The following DNAH2 variants were observed in gnomAD, a reference collection of about 807,000 sequenced individuals.
DNAH2 encodes dynein axonemal heavy chain 2.
A neutral mutation model predicts 523.5 loss-of-function variants in DNAH2; 323 were observed. The ratio of observed to expected loss-of-function variants is 0.62; its 90% CI spans 0.56 to 0.68. The LOEUF (loss-of-function observed/expected upper bound fraction) is 0.68, where lower values mean the gene tolerates loss of function less well. DNAH2 is among the 30% of genes least tolerant of loss of function. DNAH2 has a pLI of 0.00. For missense variants in DNAH2, 4,907 were observed against 5,701.5 expected (o/e 0.86, Z 4.49); for synonymous variants, 2,093 against 2,177.4 (o/e 0.96, Z 1.08).
At chr17:7,830,957 T>C in intron 79 of DNAH2, 115 bp downstream of exon 79, 1 of 1,523,038 alleles carries the variant, frequency 6.6e-7, no homozygotes, top group Middle Eastern at 1.8e-4. Context: ...GAAGACAGAG[T>C]TTGTGGGATT....
rs1469396344 is a variant in DNAH2, at chr17:7,754,901, C to T, written c.1905-2190C>T. 1.7e-6 allele frequency: 1 copy of T among 577,128 alleles called. No individual in the cohort carries two copies. The highest frequency in any genetic ancestry group is 2.7e-5 in the East Asian group (1 of 36,800). The allele number at this position is 577,128 out of a possible 1,614,324, so 35.8% of individuals were successfully genotyped here. ...GGACAGAAGGACAGGTGCCACCCAC[C>T]CCGGGCTGCCGTCTGCATGGGGCTG... On this transcript the variant is annotated intron_variant, in intron 12 of 85. Transcript: ENST00000572933. The surrounding 1 kb of genome is among the most constrained non-coding windows in gnomAD (Gnocchi z 4.6).
In DNAH2 at chr17:7,817,997, C is replaced by A. The variant is rs61749477; in HGVS notation, c.10288C>A (p.His3430Asn). ...GAGCGATTACCTGCGAATCCTAGAACACGCCATTCACTTTGGATACCCGGT... is the reference window on the plus strand; with the variant it reads ...GAGCGATTACCTGCGAATCCTAGAAAACGCCATTCACTTTGGATACCCGGT... ...QMSDYLRILE[H>N]AIHFGYPVLL... Residue 3430 changes from histidine to asparagine, a missense_variant, in exon 68 of 86, where the codon CAC becomes AAC. Physicochemically the swap from His to Asn is moderately conservative, Grantham distance 68 (BLOSUM62 1). Coordinates refer to ENST00000572933, the MANE Select transcript of DNAH2 (RefSeq NM_020877.5). 2,213 of 1,614,118 alleles carry A rather than the reference C, an allele frequency of 1.4e-3. 28 individuals are homozygous for A. In the African/African-American group the frequency reaches 0.022, roughly 16 times the overall value.
chr17:7,802,024 AG>A lies in DNAH2; in HGVS notation c.8972+13del, dbSNP rs1244527729. 6.2e-7 allele frequency: 1 copy of A among 1,613,908 alleles called. No homozygotes were observed. The highest frequency in any genetic ancestry group is 8.5e-7 in the Non-Finnish European group (1 of 1,179,908). On this transcript the variant is annotated splice_region_variant and intron_variant, in intron 58 of 85. Transcript: ENST00000572933. ...TCCTGTCTGGATATAAGAAGTATGA[AG>A]GGGGGCAGGGGATGTGCAGGGCCAG...
intron 11 of DNAH2, among the ~76,000 whole-genome samples, chr17:7,742,648 C>T (rs1337213945): frequency 1.3e-5 from 2 of 152,230 alleles, no homozygotes; most frequent in Admixed American, 6.5e-5. Context: ...CCTTCTGTGA[C>T]TGACCTTTTT....
intron 12 of DNAH2, among the ~76,000 whole-genome samples, chr17:7,749,401 T>C (rs1050787785): frequency 6.8e-6 from 1 of 145,998 alleles, no homozygotes; most frequent in Admixed American, 6.9e-5. Context: ...TTTGTTTTGG[T>C]GCAATGTTGG....
At position 7,792,076 on chromosome 17, in the gene DNAH2, C is replaced by T. The variant is rs776112820; in HGVS notation, c.7053+7C>T. Reference sequence around the variant, plus strand: ...GGGCTCCTTTCCCAATAAGGTTGGGCGCACACCTGGCTGTCCTATTTGCCC... The same window carrying T: ...GGGCTCCTTTCCCAATAAGGTTGGGTGCACACCTGGCTGTCCTATTTGCCC... On this transcript the variant is annotated splice_region_variant and intron_variant, in intron 45 of 85. Transcript: ENST00000572933. 63 of 1,612,608 alleles carry T rather than the reference C, an allele frequency of 3.9e-5. 1 individual carries two copies. The highest frequency in any genetic ancestry group is 4.7e-5 in the Non-Finnish European group (55 of 1,179,640).
At chr17:7,776,974 A>C (rs1014849843) in intron 32 of DNAH2, 85 bp downstream of exon 32, 2 of 1,140,760 alleles carry the variant, frequency 1.8e-6, no homozygotes, top group Non-Finnish European at 2.6e-6. Context: ...GCTTGAGCCC[A>C]GGAGTTCGAG....
chr17:7,733,380 T>A (rs1034965983), intron 5 of DNAH2, 65 bp downstream of exon 5: 73 of 1,526,326 alleles, frequency 4.8e-5, no homozygotes, highest in Non-Finnish European at 6.5e-5. Flanking sequence ...ACTAGTGAAG[T>A]GGTGGGTCCT....
chr17:7,761,445 T>C (rs1291228687), intron 18 of DNAH2, among the ~76,000 whole-genome samples: 1 of 152,108 alleles, frequency 6.6e-6, no homozygotes, highest in African/African-American at 2.4e-5. Context: ...TTTTCTTTTT[T>C]TTAAAATTTT....
At chr17:7,755,216 A>G (rs1235013864) in intron 12 of DNAH2, among the ~76,000 whole-genome samples, 1 of 152,150 alleles carries the variant, frequency 6.6e-6, no homozygotes, top group Non-Finnish European at 1.5e-5. Flanking sequence ...AAGGATTTGC[A>G]GGTAGTGACT....
At chr17:7,809,381 G>T (rs763085458) in intron 63 of DNAH2, among the ~76,000 whole-genome samples, 1 of 151,938 alleles carries the variant, frequency 6.6e-6, no homozygotes, top group Non-Finnish European at 1.5e-5. Flanking sequence ...AAGCTAAGCT[G>T]CCCACGAGGC....
Position 7,794,248 on chromosome 17 carries a change from C to G in DNAH2, c.7570-6C>G. Reference sequence around the variant, plus strand: ...CCTGTCTGCCCTCCTTGTCGCTGCTCTCTAGGAAATGTTCCTGATGGCTGC... The same window carrying G: ...CCTGTCTGCCCTCCTTGTCGCTGCTGTCTAGGAAATGTTCCTGATGGCTGC... On this transcript the variant is annotated splice_region_variant and splice_polypyrimidine_tract_variant and intron_variant, in intron 48 of 85. Coordinates refer to ENST00000572933, the MANE Select transcript of DNAH2 (RefSeq NM_020877.5). 1 of 1,602,150 alleles carries G rather than the reference C, an allele frequency of 6.2e-7. No individual in the cohort carries two copies. Among genetic ancestry groups the G allele is most frequent in the African/African-American group, 1.3e-5 (1 of 74,470 alleles).
rs1161548818 is a variant in DNAH2 at position 7,833,433 on chromosome 17, G to C, written c.13184G>C (p.Arg4395Pro). The change falls in exon 86 of 86, where the codon CGA becomes CCA. Residue 4395 changes from arginine (R) to proline (P), a missense_variant. Physicochemically the swap from Arg to Pro is moderately radical, Grantham distance 103. Around this residue, in one of 3 missense-constraint regions of DNAH2, gnomAD observed 1,851 missense variants for 2,139.4 expected, o/e 0.87. Coordinates refer to ENST00000572933, the MANE Select transcript of DNAH2 (RefSeq NM_020877.5). Reference sequence around the variant, plus strand: ...CCCAACCGGGCAGGCAGCTCAGACCGAGCCTCCTTTGTCATCGGCATTGAC... The same window carrying C: ...CCCAACCGGGCAGGCAGCTCAGACCCAGCCTCCTTTGTCATCGGCATTGAC... ...YYPNRAGSSDRASFVIGIDLR... is the reference protein window; with the variant it reads ...YYPNRAGSSDPASFVIGIDLR... 1 of 1,614,090 alleles carries C rather than the reference G, an allele frequency of 6.2e-7. No individual in the cohort carries two copies. The highest frequency in any genetic ancestry group is 1.7e-5 in the Admixed American group (1 of 60,022).
Position 7,798,560 on chromosome 17 carries a change from ATCAAGCG to A in DNAH2, c.8404_8410del (p.Lys2802CysfsTer21). 1.2e-6 allele frequency: 2 copies of A among 1,613,990 alleles called. No individual in the cohort carries two copies. Among genetic ancestry groups the A allele is most frequent in the Non-Finnish European group, 1.7e-6 (2 of 1,179,992 alleles). On this transcript the variant is annotated frameshift_variant, in exon 55 of 86. Coordinates refer to ENST00000572933, the MANE Select transcript of DNAH2 (RefSeq NM_020877.5). LOFTEE classifies it high-confidence loss of function. The surrounding 1 kb of genome is among the most constrained non-coding windows in gnomAD (Gnocchi z 5.5). ...TCCTCCTTCCCTCCCCCGGCCAGAT[ATCAAGCG>A]TCTGTATCGCCAGGCTGGGGTGGAG...
At chr17:7,776,528 G>A (rs1310766997) in intron 31 of DNAH2, among the ~76,000 whole-genome samples, 6 of 152,158 alleles carry the variant, frequency 3.9e-5, no homozygotes, top group Admixed American at 3.3e-4. Context: ...GTTAAAAGGA[G>A]GTGGCCAGTG....
intron 36 of DNAH2, 68 bp downstream of exon 36, chr17:7,779,491 G>T: frequency 1.3e-6 from 2 of 1,490,474 alleles, no homozygotes; most frequent in South Asian, 2.4e-5. Flanking sequence ...AAATAACTGC[G>T]CATCCTCCTC....
intron 18 of DNAH2, among the ~76,000 whole-genome samples, chr17:7,761,981 G>A (rs190342738): frequency 2.6e-5 from 4 of 152,174 alleles, no homozygotes; most frequent in East Asian, 1.9e-4. Context: ...TAAAAGTATC[G>A]CTGAAAGAGT....
chr17:7,776,080 G>C lies in DNAH2; in HGVS notation c.4878G>C (p.Arg1626=). Reference sequence around the variant, plus strand: ...GGGTGACCCTGCGGGACCTTCTCCGGAACTGCCACCTGGCCCTCAGGAAGT... The same window carrying C: ...GGGTGACCCTGCGGGACCTTCTCCGCAACTGCCACCTGGCCCTCAGGAAGT... ...TMRVTLRDLL[R]NCHLALRKFL... is the part of the protein sequence containing the mutation. Residue 1626 remains arginine, a synonymous_variant, in exon 31 of 86, where the codon CGG becomes CGC. Transcript: ENST00000572933. 3 of 1,614,148 alleles carry C rather than the reference G, an allele frequency of 1.9e-6. No individual in the cohort carries two copies. Among genetic ancestry groups the C allele is most frequent in the Non-Finnish European group, 2.5e-6 (3 of 1,180,004 alleles).
chr17:7,803,199 C>T (rs1269964938), intron 58 of DNAH2, among the ~76,000 whole-genome samples: 3 of 152,058 alleles, frequency 2.0e-5, no homozygotes, highest in East Asian at 1.9e-4. Context: ...ACAATACACC[C>T]GCCGCTTCTG....
Sources: gnomAD v4.1 joint callset for allele counts (sites outside exome capture counted in the v4.1 genomes callset) on GRCh38, gnomAD v4.1.1 for gene constraint, gnomAD v4.1.1 regional missense constraint, Gnocchi (gnomAD v3.1) non-coding constraint, MANE v1.5 for transcripts, NCBI Gene and HGNC (gene_info 2026-07-23, HGNC 2026-07-21) for gene names.